The following PTPRS variants were observed in gnomAD, a reference collection of about 807,000 sequenced individuals.
PTPRS encodes receptor-type tyrosine-protein phosphatase S.
PTPRS carries 63 observed loss-of-function variants against 215.3 expected under a neutral mutation model. The observed-to-expected ratio is 0.29, with a 90% CI of 0.24 to 0.36. The LOEUF (loss-of-function observed/expected upper bound fraction) is 0.36. PTPRS is among the 10% of genes least tolerant of loss of function. The pLI is 1.00. For missense variants in PTPRS, 2,258 were observed against 2,825.8 expected (o/e 0.80, Z 4.56); for synonymous variants, 1,404 against 1,191.4 (o/e 1.18, Z -3.68).
intron 1 of PTPRS, among the ~76,000 whole-genome samples, chr19:5,318,227 G>C (rs577774389): frequency 1.3e-5 from 2 of 152,010 alleles, no homozygotes; most frequent in South Asian, 4.2e-4. Context: ...TGTAGTCCCA[G>C]CTACTCTAGA....
At position 5,275,565 on chromosome 19, in the gene PTPRS, G is replaced by A. The variant is rs555095137; in HGVS notation, c.92-1221C>T. On this transcript the variant is annotated intron_variant, in intron 2 of 37. Coordinates refer to ENST00000262963, the MANE Select transcript of PTPRS (RefSeq NM_002850.4). ...TCACATCTGTAACCCCAGCACTTTG[G>A]GAGGCTGAGGCCGGAGGATCACCTG... 4.4e-3 allele frequency among the ~76,000 whole-genome samples: 670 copies of A among 150,864 alleles called. 3 individuals are homozygous for A. Among genetic ancestry groups the A allele is most frequent in the African/African-American group, 0.016 (644 of 41,110 alleles).
rs773699934 is a variant in PTPRS, at chr19:5,231,431, G to C, written c.2034C>G (p.Thr678=). 6.2e-7 allele frequency: 1 copy of C among 1,613,202 alleles called. No homozygotes were observed. The highest frequency in any genetic ancestry group is 2.2e-5 in the East Asian group (1 of 44,840). The stretch of plus-strand genomic sequence containing the variant: ...CCAAGGCCTCCAGCAGGATCTGAGT[G>C]GTGGTCGGGGGGATGCCGTTCACCT... ...PKEVNGIPPT[T]TQILLEALEK... Residue 678 remains threonine, a synonymous_variant, in exon 14 of 38, where the codon ACC becomes ACG. Coordinates refer to ENST00000262963, the MANE Select transcript of PTPRS (RefSeq NM_002850.4).
rs114080870 is a variant in PTPRS at position 5,273,483 on chromosome 19, A to T, written c.338T>A (p.Val113Asp). ...CTTGGCATGGACTGTGATCTCCCCAACCGAGTTCTGGGCCACACACTCGTA... is the reference window on the plus strand; with the variant it reads ...CTTGGCATGGACTGTGATCTCCCCATCCGAGTTCTGGGCCACACACTCGTA... ...NVYECVAQNSVGEITVHAKLT... is the reference protein window; with the variant it reads ...NVYECVAQNSDGEITVHAKLT... Residue 113 changes from valine (V) to aspartate (D), a missense_variant, in exon 4 of 38, where the codon GTT becomes GAT. Val to Asp is a radical substitution (Grantham distance 152). This residue lies in a region of PTPRS where 508 missense variants were observed against 799.4 expected (regional missense o/e 0.64). Transcript: ENST00000262963. 6.2e-7 allele frequency: 1 copy of T among 1,614,120 alleles called. No homozygotes were observed. Among genetic ancestry groups the T allele is most frequent in the South Asian group, 1.1e-5 (1 of 91,080 alleles).
intron 1 of PTPRS, among the ~76,000 whole-genome samples, chr19:5,296,710 A>AAGAGG (rs1246940889): frequency 1.8e-5 from 2 of 110,578 alleles, no homozygotes; most frequent in Non-Finnish European, 4.6e-5. Context: ...AGGGGAGACA[A>AAGAGG]AGAGGAGGGG....
intron 1 of PTPRS, among the ~76,000 whole-genome samples, chr19:5,330,408 G>A (rs1234349419): frequency 1.3e-5 from 2 of 152,238 alleles, no homozygotes; most frequent in Admixed American, 6.5e-5. Flanking sequence ...GGTACTGGTG[G>A]CGGAGCATTA....
At chr19:5,228,422 T>C (rs2145585928) in intron 16 of PTPRS, among the ~76,000 whole-genome samples, 1 of 148,318 alleles carries the variant, frequency 6.7e-6, no homozygotes, top group Middle Eastern at 3.5e-3. Flanking sequence ...TTTGGCTCAC[T>C]GCAACCTCTG....
Position 5,273,192 on chromosome 19 carries a change from G to A in PTPRS, c.379+250C>T. On this transcript the variant is annotated intron_variant, in intron 4 of 37. Coordinates refer to ENST00000262963, the MANE Select transcript of PTPRS (RefSeq NM_002850.4). ...TTGGATCAGCCTTTTGTCATCAGAA[G>A]CACATGATGAAGATTATAAATTAGG... is the stretch of plus-strand genomic sequence containing the variant. The A allele has an allele frequency of 2.2e-5, 12 of 538,788 alleles. 1 individual carries two copies. In the South Asian group the frequency reaches 2.6e-4, roughly 12 times the overall value. 33.4% of individuals were successfully genotyped at this position (538,788 alleles called of 1,614,324 possible).
intron 4 of PTPRS, among the ~76,000 whole-genome samples, chr19:5,267,445 T>C (rs2046493202): frequency 6.6e-6 from 1 of 151,900 alleles, no homozygotes; most frequent in African/African-American, 2.4e-5. Flanking sequence ...TCACCTGAGG[T>C]CAGGAGTTCG....
intron 4 of PTPRS, among the ~76,000 whole-genome samples, chr19:5,268,746 G>T (rs1334795884): frequency 6.6e-6 from 1 of 152,210 alleles, no homozygotes; most frequent in East Asian, 1.9e-4. Flanking sequence ...CATAGAGGGG[G>T]AAACGGAGGC....
chr19:5,240,365 G>A lies in PTPRS; in HGVS notation c.1571-33C>T, dbSNP rs748683442. ...GGTGCAGGGAGACAACTAGGAGTCG[G>A]GGAGCGTCCACCCCACAAAGGGGGC... On this transcript the variant is annotated intron_variant, in intron 11 of 37. Coordinates refer to ENST00000262963, the MANE Select transcript of PTPRS (RefSeq NM_002850.4). 7.7e-6 allele frequency: 12 copies of A among 1,551,056 alleles called. No homozygotes were observed. In the African/African-American group the frequency reaches 1.7e-4, roughly 21 times the overall value.
At chr19:5,314,921 C>T (rs371920822) in intron 1 of PTPRS, among the ~76,000 whole-genome samples, 37 of 152,172 alleles carry the variant, frequency 2.4e-4, no homozygotes, top group Non-Finnish European at 4.9e-4. Flanking sequence ...ACCCACATGG[C>T]GTCATTCAGA....
At position 5,274,329 on chromosome 19, in the gene PTPRS, A is replaced by G; in HGVS notation, c.107T>C (p.Ile36Thr). 1 of 1,592,866 alleles carries G rather than the reference A, an allele frequency of 6.3e-7. No individual in the cohort carries two copies. The highest frequency in any genetic ancestry group is 2.3e-5 in the East Asian group (1 of 42,676). ...GCCGATCTGGTCCTTGGGTTCTTTG[A>G]TAAACCTGGGGGGCTCTGGGGATAC... ...GCAAEEPPRF[I>T]KEPKDQIGVS... Residue 36 changes from isoleucine to threonine, a missense_variant, in exon 3 of 38, where the codon ATC becomes ACC. Physicochemically the swap from Ile to Thr is moderately conservative, Grantham distance 89. Coordinates refer to ENST00000262963, the MANE Select transcript of PTPRS (RefSeq NM_002850.4).
chr19:5,298,078 G>A (rs1028407096), intron 1 of PTPRS, among the ~76,000 whole-genome samples: 1 of 152,144 alleles, frequency 6.6e-6, no homozygotes, highest in Non-Finnish European at 1.5e-5. Context: ...ACAGGCGTGA[G>A]CCACAGCGCC....
chr19:5,282,762 C>T (rs111324415), intron 2 of PTPRS, among the ~76,000 whole-genome samples: 6 of 151,136 alleles, frequency 4.0e-5, no homozygotes, highest in African/African-American at 1.5e-4. Context: ...CGAGATCGAG[C>T]CTGGGCAACA....
At position 5,245,902 on chromosome 19, in the gene PTPRS, C is replaced by T; in HGVS notation, c.862G>A (p.Glu288Lys). Residue 288 changes from glutamate (E) to lysine (K), a missense_variant, in exon 10 of 38, where the codon GAG (glutamate) becomes AAG (lysine). Around this residue, in one of 6 missense-constraint regions of PTPRS, gnomAD observed 508 missense variants for 799.4 expected, o/e 0.64. Coordinates refer to ENST00000262963, the MANE Select transcript of PTPRS (RefSeq NM_002850.4). ...TTCCGACCCACGGGCATGTCATCCTCGGGGGTCAGGTCCTCGGCCCCCTGC... is the reference window on the plus strand; with the variant it reads ...TTCCGACCCACGGGCATGTCATCCTTGGGGGTCAGGTCCTCGGCCCCCTGC... The part of the protein sequence containing the change: ...WMQGAEDLTP[E>K]DDMPVGRNVL... 3 of 1,614,036 alleles carry T rather than the reference C, an allele frequency of 1.9e-6. No individual in the cohort carries two copies. Among genetic ancestry groups the T allele is most frequent in the Non-Finnish European group, 2.5e-6 (3 of 1,180,002 alleles).
intron 1 of PTPRS, among the ~76,000 whole-genome samples, chr19:5,292,567 G>A (rs777634054): frequency 2.0e-5 from 3 of 152,176 alleles, no homozygotes; most frequent in Non-Finnish European, 4.4e-5. Context: ...GCCCCTCCCT[G>A]AGGCCAAGCC....
chr19:5,224,129 A>G (rs1376487107), intron 17 of PTPRS, among the ~76,000 whole-genome samples: 1 of 151,950 alleles, frequency 6.6e-6, no homozygotes, highest in Non-Finnish European at 1.5e-5. Context: ...CAGGGAGCCA[A>G]GATCGTGCCA....
intron 16 of PTPRS, among the ~76,000 whole-genome samples, chr19:5,227,577 G>T (rs930636518): frequency 1.3e-5 from 2 of 151,928 alleles, no homozygotes; most frequent in African/African-American, 4.8e-5. Flanking sequence ...ACCACGCCTG[G>T]TTTTGTATTT....
chr19:5,236,039 T>C (rs911554948), intron 13 of PTPRS, among the ~76,000 whole-genome samples: 1 of 152,208 alleles, frequency 6.6e-6, no homozygotes. Flanking sequence ...ATGCATTATC[T>C]CATTTAATTC....
Sources: gnomAD v4.1 joint callset for allele counts (sites outside exome capture counted in the v4.1 genomes callset) on GRCh38, gnomAD v4.1.1 for gene constraint, gnomAD v4.1.1 regional missense constraint, MANE v1.5 for transcripts, NCBI Gene and HGNC (gene_info 2026-07-23, HGNC 2026-07-21) for gene names.